The following TMEFF2 variants were observed in gnomAD, a reference collection of about 807,000 sequenced individuals.
TMEFF2 encodes the protein tomoregulin-2.
TMEFF2 carries 28 observed loss-of-function variants against 53.8 expected under a neutral mutation model. The observed-to-expected ratio is 0.52, with a 90% CI of 0.39 to 0.71. TMEFF2 has a LOEUF of 0.71. TMEFF2 is among the 30% of genes least tolerant of loss of function. TMEFF2 has a pLI of 0.00. For missense variants in TMEFF2, 353 were observed against 455.2 expected, an observed-to-expected ratio of 0.78 and a Z score of 2.04; for synonymous variants, 162 against 166.3, an observed-to-expected ratio of 0.97 and a Z score of 0.20.
At chr2:192,026,544 T>G (rs1257475457) in intron 5 of TMEFF2, among the ~76,000 whole-genome samples, 1 of 152,202 alleles carries the variant, frequency 6.6e-6, no homozygotes, top group Non-Finnish European at 1.5e-5. Flanking sequence ...CATCCTGTCC[T>G]TACAACGTCA....
intron 5 of TMEFF2, among the ~76,000 whole-genome samples, chr2:192,039,934 G>A (rs1574316200): frequency 6.6e-6 from 1 of 152,080 alleles, no homozygotes; most frequent in East Asian, 1.9e-4. Context: ...CTATAACAAT[G>A]ATATGCCTGG....
chr2:192,003,928 TGG>T (rs372342056), intron 5 of TMEFF2, among the ~76,000 whole-genome samples: 7 of 119,218 alleles, frequency 5.9e-5, no homozygotes, highest in Non-Finnish European at 1.1e-4. Flanking sequence ...TGTGTGTGTG[TGG>T]GGGGGGGGCT....
intron 7 of TMEFF2, among the ~76,000 whole-genome samples, chr2:191,971,874 A>C (rs913832003): frequency 5.9e-5 from 9 of 152,198 alleles, no homozygotes; most frequent in African/African-American, 2.2e-4. Flanking sequence ...TCAGATACAG[A>C]ATAGTAGCGT....
At chr2:192,065,348 A>G (rs1182719845) in intron 4 of TMEFF2, among the ~76,000 whole-genome samples, 1 of 151,888 alleles carries the variant, frequency 6.6e-6, no homozygotes, top group Non-Finnish European at 1.5e-5. Context: ...GTGCATAAAT[A>G]GAAGCATTTA....
intron 4 of TMEFF2, among the ~76,000 whole-genome samples, chr2:192,137,137 G>A (rs10166176): frequency 0.14 from 21,254 of 152,156 alleles, 2,047 homozygotes; most frequent in African/African-American, 0.26. Context: ...TGTGTAATCA[G>A]GCACATCAAG....
intron 7 of TMEFF2, among the ~76,000 whole-genome samples, chr2:191,964,382 CTTTCTTTCTTTCTTTCTCTTTCTT>C (rs1559063612): frequency 9.1e-4 from 25 of 27,536 alleles, no homozygotes; most frequent in Non-Finnish European, 1.0e-3. Context: ...CTCTTTCTTT[CTTTCTTTCTTTCTTTCTCTTTCTT>C]TCTTTCTTTC....
In TMEFF2 at chr2:192,020,175, C is replaced by T. The variant is rs117501234; in HGVS notation, c.537-20967G>A. Among the ~76,000 whole-genome samples, 1,143 of 152,140 alleles carry T rather than the reference C, an allele frequency of 7.5e-3. 41 individuals carry two copies. Among genetic ancestry groups the T allele is most frequent in the Admixed American group, 0.057 (864 of 15,286 alleles). Reference sequence around the variant, plus strand: ...CTAGTATTGTTGGTTCTTCAATTTGCCTAGTGGCATGTGCTGCTAAATTTG... The same window carrying T: ...CTAGTATTGTTGGTTCTTCAATTTGTCTAGTGGCATGTGCTGCTAAATTTG... On this transcript the variant is annotated intron_variant, in intron 5 of 9. Transcript: ENST00000272771.
chr2:191,975,697 G>A (rs540847655), intron 7 of TMEFF2, among the ~76,000 whole-genome samples: 3 of 152,212 alleles, frequency 2.0e-5, no homozygotes, highest in South Asian at 2.1e-4. Flanking sequence ...TTTTGAGGGC[G>A]CTGCCAGGCT....
chr2:192,006,095 C>A (rs966235582), intron 5 of TMEFF2, among the ~76,000 whole-genome samples: 7 of 145,034 alleles, frequency 4.8e-5, no homozygotes, highest in Non-Finnish European at 7.5e-5. Flanking sequence ...GTGGGCAATC[C>A]TTTTAGTTTT....
At chr2:191,950,529 A>G (rs1382489380) in intron 9 of TMEFF2, 122 bp from the exon 10 acceptor site, 3 of 1,351,348 alleles carry the variant, frequency 2.2e-6, no homozygotes, top group East Asian at 2.3e-5. Flanking sequence ...GAAAGAATTT[A>G]TCATTAGTAG....
intron 4 of TMEFF2, among the ~76,000 whole-genome samples, chr2:192,101,465 A>T (rs1689030307): frequency 6.6e-6 from 1 of 152,202 alleles, no homozygotes; most frequent in Non-Finnish European, 1.5e-5. Context: ...ACTTTTTAAA[A>T]TTCATATTTT....
chr2:192,110,445 G>A (rs1433599953), intron 4 of TMEFF2, among the ~76,000 whole-genome samples: 1 of 152,050 alleles, frequency 6.6e-6, no homozygotes, highest in Non-Finnish European at 1.5e-5. Context: ...AGTTTTTGTT[G>A]TTTTTAGCTG....
intron 5 of TMEFF2, among the ~76,000 whole-genome samples, chr2:192,033,613 G>A (rs1183415981): frequency 6.8e-6 from 1 of 147,094 alleles, no homozygotes; most frequent in Non-Finnish European, 1.5e-5. Context: ...CCATCTGTTT[G>A]GCCCTCCATC....
chr2:192,041,127 T>G (rs1033275629), intron 5 of TMEFF2, among the ~76,000 whole-genome samples: 3 of 152,030 alleles, frequency 2.0e-5, no homozygotes, highest in Non-Finnish European at 4.4e-5. Context: ...TTCATCAAAA[T>G]TAAAAAGTTT....
chr2:191,949,623 T>C lies in TMEFF2; in HGVS notation c.*688A>G. ...ACTTAACTGGGGGATTCTAAGCTAC[T>C]TCCCCAATAAAAACCAATATTTTCT... On this transcript the variant is annotated 3_prime_UTR_variant, in exon 10 of 10. Coordinates refer to ENST00000272771, the MANE Select transcript of TMEFF2 (RefSeq NM_016192.4). The C allele has an allele frequency of 1.0e-6, 1 of 985,436 alleles. No homozygotes were observed. Among genetic ancestry groups the C allele is most frequent in the Non-Finnish European group, 1.2e-6 (1 of 829,930 alleles). 61.0% of individuals were successfully genotyped at this position (985,436 alleles called of 1,614,324 possible).
chr2:191,998,929 C>CTACTATCCATTGTAAATA, intron 6 of TMEFF2, 131 bp downstream of exon 6: 1 of 900,108 alleles, frequency 1.1e-6, no homozygotes, highest in Non-Finnish European at 1.7e-6. Flanking sequence ...ACAGTAGACT[C>CTACTATCCATTGTAAATA]TACTATCCAT....
intron 7 of TMEFF2, among the ~76,000 whole-genome samples, chr2:191,991,282 T>C (rs1686098709): frequency 6.6e-6 from 1 of 152,090 alleles, no homozygotes; most frequent in Admixed American, 6.6e-5. Context: ...CTTGTAATTG[T>C]ACGAGTCCAT....
At chr2:191,996,539 CTT>C (rs1223010920) in intron 7 of TMEFF2, among the ~76,000 whole-genome samples, 4 of 151,674 alleles carry the variant, frequency 2.6e-5, no homozygotes, top group African/African-American at 9.7e-5. Flanking sequence ...TAGCCTCAGA[CTT>C]TTATTTTTCA....
intron 4 of TMEFF2, among the ~76,000 whole-genome samples, chr2:192,139,782 T>C (rs1321566782): frequency 6.6e-6 from 1 of 152,186 alleles, no homozygotes; most frequent in Non-Finnish European, 1.5e-5. Context: ...AAAATGCTCA[T>C]GCTGCTCCCT....
Sources: allele counts gnomAD v4.1 joint callset (sites outside exome capture counted in the v4.1 genomes callset), GRCh38; gene constraint gnomAD v4.1.1; transcripts MANE v1.5; gene names NCBI Gene and HGNC (gene_info 2026-07-23, HGNC 2026-07-21).